UVRAG: variants seen among roughly 807,000 people sequenced by gnomAD.
UVRAG encodes UV radiation resistance-associated gene protein.
A neutral mutation model predicts 78.0 loss-of-function variants in UVRAG; 19 were observed. The observed-to-expected ratio is 0.24, with a 90% CI of 0.17 to 0.36. The LOEUF (loss-of-function observed/expected upper bound fraction) is 0.36. Among genes scored for constraint, UVRAG ranks in the 10% least tolerant of loss-of-function variants. The pLI is 1.00. For missense variants in UVRAG, 740 were observed against 853.8 expected (o/e 0.87, Z 1.66); for synonymous variants, 323 against 324.6 (o/e 1.00, Z 0.05).
At chr11:75,863,101 C>G (rs2134790663) in intron 3 of UVRAG, among the ~76,000 whole-genome samples, 1 of 152,306 alleles carries the variant, frequency 6.6e-6, no homozygotes, top group Non-Finnish European at 1.5e-5. Context: ...TGTCTCTACT[C>G]TTTCCTCTTC....
rs578107541 is a variant in UVRAG, at chr11:76,099,174, C to T, written c.1306-16750C>T. Among the ~76,000 whole-genome samples, 5 of 152,258 alleles carry T rather than the reference C, an allele frequency of 3.3e-5. No homozygotes were observed. In the East Asian group the frequency reaches 9.6e-4, roughly 29 times the overall value. On this transcript the variant is annotated intron_variant, in intron 13 of 14. Transcript: ENST00000356136. ...ACCCTTGCAATTTGCAGTGCAGTTC[C>T]CCCAAAAAAGTCTATTAACTACCAC...
intron 3 of UVRAG, among the ~76,000 whole-genome samples, chr11:75,877,552 C>CG (rs1274045160): frequency 7.2e-6 from 1 of 138,444 alleles, no homozygotes; most frequent in Non-Finnish European, 1.6e-5. Flanking sequence ...GCTGGCCGGG[C>CG]GGGGGGCTGA....
At chr11:76,011,489 G>T (rs1054219563) in intron 11 of UVRAG, among the ~76,000 whole-genome samples, 1 of 152,158 alleles carries the variant, frequency 6.6e-6, no homozygotes, top group African/African-American at 2.4e-5. Context: ...GCTGGGTGTG[G>T]TGGCACACAC....
At chr11:75,839,498 C>T (rs1318568397) in intron 1 of UVRAG, among the ~76,000 whole-genome samples, 3 of 151,606 alleles carry the variant, frequency 2.0e-5, no homozygotes, top group Admixed American at 2.0e-4. Flanking sequence ...TTTTTGATGG[C>T]TACCCTATTG....
intron 8 of UVRAG, among the ~76,000 whole-genome samples, chr11:75,988,897 T>C (rs1949550829): frequency 6.6e-6 from 1 of 152,202 alleles, no homozygotes; most frequent in Non-Finnish European, 1.5e-5. Flanking sequence ...TTCATCTGTT[T>C]TTTGGAAAGT....
At chr11:76,042,213 A>G (rs574406326) in intron 12 of UVRAG, among the ~76,000 whole-genome samples, 2 of 152,362 alleles carry the variant, frequency 1.3e-5, no homozygotes, top group African/African-American at 4.8e-5. Flanking sequence ...TGGAATACTA[A>G]TCAGGAGTTC....
chr11:76,063,573 T>C (rs1951133012), intron 12 of UVRAG, among the ~76,000 whole-genome samples: 1 of 152,002 alleles, frequency 6.6e-6, no homozygotes, highest in Admixed American at 6.6e-5. Flanking sequence ...GACAGTAGAG[T>C]CGGTGAATTT....
chr11:76,049,159 T>C (rs1013472688), intron 12 of UVRAG, among the ~76,000 whole-genome samples: 2 of 152,218 alleles, frequency 1.3e-5, no homozygotes, highest in African/African-American at 4.8e-5. Context: ...TGCTGTCTCT[T>C]GAGTGTTCTT....
At chr11:76,074,311 CAT>C (rs1223647727) in intron 13 of UVRAG, among the ~76,000 whole-genome samples, 2 of 152,190 alleles carry the variant, frequency 1.3e-5, no homozygotes, top group African/African-American at 2.4e-5. Context: ...CTCCAAGACA[CAT>C]GTGTCATTTC....
intron 13 of UVRAG, among the ~76,000 whole-genome samples, chr11:76,111,414 T>C (rs1013214199): frequency 3.9e-5 from 6 of 152,160 alleles, no homozygotes; most frequent in African/African-American, 1.4e-4. Flanking sequence ...CAGTTCACTT[T>C]TCCCACTCTG....
chr11:75,928,483 G>C (rs558915785), intron 6 of UVRAG, among the ~76,000 whole-genome samples: 1 of 152,112 alleles, frequency 6.6e-6, no homozygotes, highest in Non-Finnish European at 1.5e-5. Flanking sequence ...AATATTGATG[G>C]CTGGGACATG....
chr11:75,905,951 C>T (rs1480610102), intron 5 of UVRAG, among the ~76,000 whole-genome samples: 1 of 152,116 alleles, frequency 6.6e-6, no homozygotes, highest in Non-Finnish European at 1.5e-5. Context: ...TCTCATTTCT[C>T]CACATCCTCA....
intron 12 of UVRAG, among the ~76,000 whole-genome samples, chr11:76,037,329 T>A (rs1950552487): frequency 1.3e-5 from 2 of 152,112 alleles, no homozygotes; most frequent in South Asian, 4.1e-4. Flanking sequence ...AAAAATATCA[T>A]ATCATTTCAA....
At position 76,080,864 on chromosome 11, in the gene UVRAG, G is replaced by A. The variant is rs1382452967; in HGVS notation, c.1305+15076G>A. On this transcript the variant is annotated intron_variant, in intron 13 of 14. Transcript: ENST00000356136. ...ACAGTATATGTGGTTAGGAGAACAA[G>A]TACAGACAGACATGGATTCACTTCC... Among the ~76,000 whole-genome samples the A allele has an allele frequency of 3.3e-5, 5 of 152,212 alleles. No homozygotes were observed. The East Asian group carries it at 9.6e-4, about 29-fold the overall frequency.
Position 76,095,999 on chromosome 11 carries a change from G to A in UVRAG, c.1306-19925G>A, listed in dbSNP as rs187055577. ...CAAAAATATAATAAAACAATTATATGAAGGCAGTAGAGAATGACCAGGGGA... is the reference window on the plus strand; with the variant it reads ...CAAAAATATAATAAAACAATTATATAAAGGCAGTAGAGAATGACCAGGGGA... On this transcript the variant is annotated intron_variant, in intron 13 of 14. Transcript: ENST00000356136. 5.5e-3 allele frequency among the ~76,000 whole-genome samples: 841 copies of A among 151,658 alleles called. 7 individuals are homozygous for A. The highest frequency in any genetic ancestry group is 0.023 in the South Asian group (110 of 4,776).
chr11:76,028,622 T>TA (rs1565126674), intron 12 of UVRAG, among the ~76,000 whole-genome samples: 1 of 152,038 alleles, frequency 6.6e-6, no homozygotes, highest in South Asian at 2.1e-4. Context: ...GTGGTCTGGA[T>TA]AAAAAAGTCA....
intron 7 of UVRAG, among the ~76,000 whole-genome samples, chr11:75,981,082 G>T (rs1591090649): frequency 6.6e-6 from 1 of 152,116 alleles, no homozygotes; most frequent in South Asian, 2.1e-4. Context: ...TGAATATGTA[G>T]ATTTCTTTCT....
chr11:75,971,593 T>C (rs1284803859), intron 7 of UVRAG, among the ~76,000 whole-genome samples: 2 of 152,232 alleles, frequency 1.3e-5, no homozygotes, highest in Non-Finnish European at 2.9e-5. Flanking sequence ...TGACTTACGA[T>C]GTTAAACATC....
intron 10 of UVRAG, 75 bp from the exon 11 acceptor site, chr11:76,008,732 G>T: frequency 1.2e-6 from 1 of 813,532 alleles, no homozygotes; most frequent in South Asian, 1.9e-5. Flanking sequence ...AGTCAGCACC[G>T]ACCTGCTGAT....
Sources: gnomAD v4.1 joint callset for allele counts (sites outside exome capture counted in the v4.1 genomes callset) on GRCh38, gnomAD v4.1.1 for gene constraint, MANE v1.5 for transcripts, NCBI Gene and HGNC (gene_info 2026-07-23, HGNC 2026-07-21) for gene names.